KCNT1: variants seen among roughly 807,000 people sequenced by gnomAD.
KCNT1 encodes the protein potassium channel subfamily T member 1.
Under a neutral mutation model 147.8 loss-of-function variants are expected in KCNT1, and 78 were observed. That is an observed-to-expected ratio of 0.53 (90% CI 0.44 to 0.64). The LOEUF is 0.64. KCNT1 is among the 30% of genes least tolerant of loss of function. KCNT1 has a pLI of 0.00. For synonymous variants in KCNT1, 867 were observed against 748.8 expected (o/e 1.16, Z -2.58); for missense variants, 1,419 against 1,750.3 (o/e 0.81, Z 3.38).
At chr9:135,784,728 T>TGCCCCA in intron 26 of KCNT1, 33 bp from the exon 27 acceptor site, 1 of 1,609,978 alleles carries the variant, frequency 6.2e-7, no homozygotes, top group Non-Finnish European at 8.5e-7. Flanking sequence ...TGCTGCCACC[T>TGCCCCA]GCCCCAGCCA....
intron 2 of KCNT1, among the ~76,000 whole-genome samples, chr9:135,739,943 G>A (rs1007932529): frequency 6.6e-6 from 1 of 152,056 alleles, no homozygotes; most frequent in African/African-American, 2.4e-5. Flanking sequence ...CTCATTTATT[G>A]TCTCACAGTC....
intron 2 of KCNT1, among the ~76,000 whole-genome samples, chr9:135,739,021 C>G (rs969982861): frequency 6.6e-6 from 1 of 152,114 alleles, no homozygotes; most frequent in East Asian, 1.9e-4. Context: ...ACCCCTGGAC[C>G]TAGGCGGCCT....
chr9:135,715,348 C>T (rs1479767946), intron 2 of KCNT1, among the ~76,000 whole-genome samples: 1 of 152,238 alleles, frequency 6.6e-6, no homozygotes, highest in Admixed American at 6.5e-5. Flanking sequence ...CTTTTCTCTC[C>T]TCCTTTTCCC....
chr9:135,746,790 G>A lies in KCNT1; in HGVS notation c.255-3308G>A, dbSNP rs75618790. On this transcript the variant is annotated intron_variant, in intron 2 of 30. Coordinates refer to ENST00000371757, the MANE Select transcript of KCNT1 (RefSeq NM_020822.3). ...TGGAGTGTGGGGCGATGGTCAGGGC[G>A]GAGCTGGGCACCCCCGCCTAGGAGG... Among the ~76,000 whole-genome samples, 1,692 of 152,230 alleles carry A rather than the reference G, an allele frequency of 0.011. 74 individuals carry two copies. The East Asian group carries it at 0.11, about 10-fold the overall frequency.
chr9:135,771,124 C>T (rs1384912895), intron 18 of KCNT1, 29 bp downstream of exon 18: 8 of 1,577,942 alleles, frequency 5.1e-6, no homozygotes, highest in Non-Finnish European at 6.1e-6. Context: ...GCGGGACTCC[C>T]TGGGCCTGCT....
chr9:135,709,916 G>C (rs556509766), intron 1 of KCNT1, among the ~76,000 whole-genome samples: 1 of 152,192 alleles, frequency 6.6e-6, no homozygotes, highest in South Asian at 2.1e-4. Flanking sequence ...CCTGACCTCA[G>C]GTGATCCACC....
chr9:135,757,478 G>A (rs531656082), intron 9 of KCNT1, 97 bp downstream of exon 9: 33 of 1,112,878 alleles, frequency 3.0e-5, no homozygotes, highest in Admixed American at 7.5e-5. Context: ...GCCACGCCCC[G>A]GCCCTGGCAT....
At chr9:135,731,985 TATATATAGAGAGAGAGAGAGAG>T (rs1256173549) in intron 2 of KCNT1, among the ~76,000 whole-genome samples, 13 of 23,260 alleles carry the variant, frequency 5.6e-4, no homozygotes, top group Admixed American at 3.8e-3. Flanking sequence ...TATATATATA[TATATATAGAGAGAGAGAGAGAG>T]AGAGAGAGAG....
At chr9:135,727,656 G>C (rs1302037979) in intron 2 of KCNT1, among the ~76,000 whole-genome samples, 1 of 152,214 alleles carries the variant, frequency 6.6e-6, no homozygotes, top group Non-Finnish European at 1.5e-5. Context: ...CAGGCCGGGT[G>C]GTGTCCGCCA....
At chr9:135,780,328 C>A (rs1833517787) in intron 24 of KCNT1, among the ~76,000 whole-genome samples, 1 of 152,174 alleles carries the variant, frequency 6.6e-6, no homozygotes, top group Non-Finnish European at 1.5e-5. Flanking sequence ...CTGCTGGGAC[C>A]TGCGTGGCTG....
chr9:135,708,697 C>A (rs1190105335), intron 1 of KCNT1, among the ~76,000 whole-genome samples: 1 of 152,186 alleles, frequency 6.6e-6, no homozygotes, highest in Admixed American at 6.5e-5. Context: ...ACTACAGGCA[C>A]CATGCCTGGA....
At chr9:135,784,501 CCCTCCCTCCCT>C in intron 25 of KCNT1, 23 bp from the exon 26 acceptor site, 1 of 429,078 alleles carries the variant, frequency 2.3e-6, no homozygotes, top group Non-Finnish European at 4.3e-6. Context: ...CTCCCTCCCT[CCCTCCCTCCCT>C]CCCTCCCTCC....
intron 6 of KCNT1, 22 bp downstream of exon 6, chr9:135,755,191 C>T (rs377123847): frequency 6.3e-7 from 1 of 1,598,832 alleles, no homozygotes; most frequent in Non-Finnish European, 8.5e-7. Context: ...ACCCTGCCCC[C>T]CTCCCGACTG....
chr9:135,786,586 A>AG, intron 29 of KCNT1, 65 bp downstream of exon 29: 1 of 1,442,956 alleles, frequency 6.9e-7, no homozygotes, highest in Non-Finnish European at 9.2e-7. Flanking sequence ...GCCACAGCCA[A>AG]GAACAGTCGG....
At chr9:135,764,898 T>G in intron 11 of KCNT1, 133 bp from the exon 12 acceptor site, 2 of 822,212 alleles carry the variant, frequency 2.4e-6, no homozygotes, top group Non-Finnish European at 1.9e-6. Context: ...GCCCCCCTAA[T>G]GTAGGTGTCA....
rs1455105146 is a variant in KCNT1, at chr9:135,794,963, C to G, written c.*2802C>G. 1 of 152,084 alleles carries G rather than the reference C, an allele frequency of 6.6e-6. No homozygotes were observed. The highest frequency in any genetic ancestry group is 1.5e-5 in the Non-Finnish European group (1 of 68,034). 9.4% of individuals were successfully genotyped at this position (152,084 alleles called of 1,614,324 possible). A position where few individuals can be genotyped will look rare whatever the true frequency, so the allele number is the denominator to read the frequency against. Reference sequence around the variant, plus strand: ...TACACCAAGTGAAGTAGGATCTGAGCAAAGGTTGAGGGACTGAATTCCCTA... The same window carrying G: ...TACACCAAGTGAAGTAGGATCTGAGGAAAGGTTGAGGGACTGAATTCCCTA... On this transcript the variant is annotated 3_prime_UTR_variant, in exon 31 of 31. Transcript: ENST00000371757.
At chr9:135,791,651 C>T (rs1834537211) in intron 29 of KCNT1, 146 bp from the exon 30 acceptor site, 8 of 706,232 alleles carry the variant, frequency 1.1e-5, no homozygotes, top group Non-Finnish European at 1.7e-5. Flanking sequence ...CCTGGCTGGG[C>T]TCACCAGGAT....
rs2131359681 is a variant in KCNT1, at chr9:135,730,600, A to C, written c.254+15880A>C. On this transcript the variant is annotated intron_variant, in intron 2 of 30. Coordinates refer to ENST00000371757, the MANE Select transcript of KCNT1 (RefSeq NM_020822.3). The surrounding 1 kb of genome is among the most constrained non-coding windows in gnomAD (Gnocchi z 4.7). ...TGGTCACCGGAAGCTGGAAGAGGCA[A>C]GGAAATGGACCCCTCCCTGGGACTC... is the stretch of plus-strand genomic sequence containing the variant. Among the ~76,000 whole-genome samples, 1 of 152,276 alleles carries C rather than the reference A, an allele frequency of 6.6e-6. No individual in the cohort carries two copies. Among genetic ancestry groups the C allele is most frequent in the South Asian group, 2.1e-4 (1 of 4,820 alleles).
At chr9:135,772,656 A>T (rs1564373539) in intron 18 of KCNT1, 59 bp from the exon 19 acceptor site, 2 of 1,279,000 alleles carry the variant, frequency 1.6e-6, no homozygotes, top group Non-Finnish European at 2.0e-6. Context: ...AGCTCTGGGA[A>T]CTCGCCGCCC....
Sources: gnomAD v4.1 joint callset for allele counts (sites outside exome capture counted in the v4.1 genomes callset) on GRCh38, gnomAD v4.1.1 for gene constraint, Gnocchi (gnomAD v3.1) non-coding constraint, MANE v1.5 for transcripts, NCBI Gene and HGNC (gene_info 2026-07-23, HGNC 2026-07-21) for gene names.